The following PDE4D variants were observed in gnomAD, a reference collection of about 807,000 sequenced individuals.
PDE4D encodes phosphodiesterase 4D.
A neutral mutation model predicts 87.4 loss-of-function variants in PDE4D; 24 were observed. That is an observed-to-expected ratio of 0.27 (90% CI 0.20 to 0.39). PDE4D has a LOEUF of 0.39. PDE4D is among the 10% of genes least tolerant of loss of function. The probability of loss-of-function intolerance (pLI) is 1.00; values close to 1 mark genes in which losing one functional copy is unlikely to be tolerated. For synonymous variants in PDE4D, 384 were observed against 383.2 expected, an observed-to-expected ratio of 1.00 and a Z score of -0.02; for missense variants, 714 against 1,041.0, an observed-to-expected ratio of 0.69 and a Z score of 4.32.
At chr5:60,031,297 G>A (rs1767217061) in intron 2 of PDE4D, among the ~76,000 whole-genome samples, 1 of 152,094 alleles carries the variant, frequency 6.6e-6, no homozygotes, top group African/African-American at 2.4e-5. Context: ...AATTTTAAAG[G>A]CCTTTCACTG....
At position 59,452,344 on chromosome 5, in the gene PDE4D, C is replaced by G. The variant is rs192675148; in HGVS notation, c.456-236376G>C. 2.0e-4 allele frequency among the ~76,000 whole-genome samples: 31 copies of G among 152,324 alleles called. No individual in the cohort carries two copies. The Middle Eastern group carries it at 0.01, about 50-fold the overall frequency. ...TTCCGACTAAGCTAAAAGAAACACT[C>G]TATGCATTTTAAAAGTAGTGTATTT... On this transcript the variant is annotated intron_variant, in intron 1 of 14. Coordinates refer to ENST00000340635, the MANE Select transcript of PDE4D (RefSeq NM_001104631.2).
chr5:59,988,460 T>G, intron 3 of PDE4D: 1 of 1,410,542 alleles, frequency 7.1e-7, no homozygotes, highest in Non-Finnish European at 9.8e-7. Flanking sequence ...AAATATAAAA[T>G]GGGGAAATGA....
intron 2 of PDE4D, among the ~76,000 whole-genome samples, chr5:60,023,097 GT>G (rs1431950577): frequency 6.6e-6 from 1 of 152,106 alleles, no homozygotes; most frequent in Non-Finnish European, 1.5e-5. Context: ...ACACTCACTT[GT>G]TTGTACGACC....
chr5:59,090,352 T>G (rs887774413), intron 5 of PDE4D, among the ~76,000 whole-genome samples: 1 of 152,126 alleles, frequency 6.6e-6, no homozygotes, highest in Non-Finnish European at 1.5e-5. Flanking sequence ...GAATACAACC[T>G]GAATTCTGTT....
At chr5:58,982,816 C>T (rs1472484831) in intron 11 of PDE4D, among the ~76,000 whole-genome samples, 1 of 152,148 alleles carries the variant, frequency 6.6e-6, no homozygotes, top group Non-Finnish European at 1.5e-5. Flanking sequence ...ACAGGGGTGG[C>T]TAGGGAACCA....
At chr5:59,116,988 A>C (rs1423287765) in intron 5 of PDE4D, among the ~76,000 whole-genome samples, 3 of 152,238 alleles carry the variant, frequency 2.0e-5, no homozygotes, top group African/African-American at 7.2e-5. Flanking sequence ...ATTCAATACA[A>C]TCATTAGCAA....
chr5:59,684,546 GAAT>G (rs1480747364), intron 1 of PDE4D, among the ~76,000 whole-genome samples: 1 of 152,182 alleles, frequency 6.6e-6, no homozygotes, highest in Non-Finnish European at 1.5e-5. Flanking sequence ...TGGGCATGAA[GAAT>G]GAGTAAGATG....
chr5:59,129,988 AAAAT>A (rs1486107781), intron 5 of PDE4D, among the ~76,000 whole-genome samples: 4 of 152,250 alleles, frequency 2.6e-5, no homozygotes, highest in Admixed American at 2.6e-4. Context: ...TGATTTTTAA[AAAAT>A]AAATGGGGAA....
At chr5:59,683,145 T>C (rs1749303493) in intron 1 of PDE4D, among the ~76,000 whole-genome samples, 1 of 152,172 alleles carries the variant, frequency 6.6e-6, no homozygotes, top group Non-Finnish European at 1.5e-5. Context: ...TTTAAGTATT[T>C]AGAAGCAAAG....
At chr5:59,333,772 A>C (rs939613348) in intron 1 of PDE4D, among the ~76,000 whole-genome samples, 8 of 152,188 alleles carry the variant, frequency 5.3e-5, no homozygotes, top group African/African-American at 1.9e-4. Flanking sequence ...TGGATTTAAG[A>C]TTCTTTAGTA....
intron 3 of PDE4D, among the ~76,000 whole-genome samples, chr5:59,919,845 C>A (rs1754475298): frequency 6.6e-6 from 1 of 152,136 alleles, no homozygotes; most frequent in Non-Finnish European, 1.5e-5. Context: ...AATAATGTGG[C>A]AAAGATTAAT....
intron 1 of PDE4D, among the ~76,000 whole-genome samples, chr5:59,407,280 C>T (rs1451963559): frequency 1.3e-5 from 2 of 152,226 alleles, no homozygotes; most frequent in South Asian, 4.1e-4. Context: ...GCTGCTCTCT[C>T]TTCAGCTTCC....
intron 6 of PDE4D, among the ~76,000 whole-genome samples, chr5:59,016,861 T>C (rs1468864508): frequency 6.6e-6 from 1 of 152,096 alleles, no homozygotes. Flanking sequence ...TCCCTGTTCA[T>C]GTAAACCTTG....
rs78118044 is a variant in PDE4D, at chr5:60,344,725, A to G, written c.-90+143217T>C. On this transcript the variant is annotated intron_variant, in intron 1 of 16. Coordinates refer to the PDE4D transcript ENST00000502484. Reference sequence around the variant, plus strand: ...ACACGCAAACAGATGAATTTACTCAATTTTAATTGATCTTATTATCTATCC... The same window carrying G: ...ACACGCAAACAGATGAATTTACTCAGTTTTAATTGATCTTATTATCTATCC... Among the ~76,000 whole-genome samples the G allele has an allele frequency of 6.5e-3, 985 of 152,316 alleles. 7 individuals carry two copies. The highest frequency in any genetic ancestry group is 0.023 in the African/African-American group (946 of 41,582).
At chr5:59,777,920 A>G (rs773525586) in intron 1 of PDE4D, among the ~76,000 whole-genome samples, 1 of 152,244 alleles carries the variant, frequency 6.6e-6, no homozygotes, top group South Asian at 2.1e-4. Flanking sequence ...AAAAAAAAGA[A>G]GTTGAAATAA....
intron 1 of PDE4D, among the ~76,000 whole-genome samples, chr5:60,311,967 AAAGGGTTCAATTC>A (rs1755077483): frequency 6.6e-6 from 1 of 152,240 alleles, no homozygotes; most frequent in Non-Finnish European, 1.5e-5. Context: ...ACATAATGGT[AAAGGGTTCAATTC>A]AACATGAAGA....
chr5:59,189,873 A>AT (rs1025469784), intron 3 of PDE4D, among the ~76,000 whole-genome samples: 150 of 152,340 alleles, frequency 9.8e-4, no homozygotes, highest in African/African-American at 3.3e-3. Context: ...GAGGTGGAAA[A>AT]GAGTTTAGGT....
At position 59,544,664 on chromosome 5, in the gene PDE4D, A is replaced by G. The variant is rs898391202; in HGVS notation, c.456-328696T>C. Among the ~76,000 whole-genome samples the G allele has an allele frequency of 2.0e-5, 3 of 152,188 alleles. No individual in the cohort carries two copies. The East Asian group carries it at 5.8e-4, about 29-fold the overall frequency. On this transcript the variant is annotated intron_variant, in intron 1 of 14. Coordinates refer to ENST00000340635, the MANE Select transcript of PDE4D (RefSeq NM_001104631.2). Reference sequence around the variant, plus strand: ...ATGGTTGGTTAGTCTGGGAGATTCTAAGCTATTAGCTGGAAGCTCTCTCCA... The same window carrying G: ...ATGGTTGGTTAGTCTGGGAGATTCTGAGCTATTAGCTGGAAGCTCTCTCCA...
chr5:59,154,488 C>CTA (rs530471635), intron 5 of PDE4D, among the ~76,000 whole-genome samples: 177 of 152,152 alleles, frequency 1.2e-3, no homozygotes, highest in African/African-American at 3.8e-3. Flanking sequence ...GGTACTAGTA[C>CTA]TATAATTCAG....
Sources: gnomAD v4.1 joint callset for allele counts (sites outside exome capture counted in the v4.1 genomes callset) on GRCh38, gnomAD v4.1.1 for gene constraint, MANE v1.5 for transcripts, NCBI Gene and HGNC (gene_info 2026-07-23, HGNC 2026-07-21) for gene names.